Variants in PXMP4 observed in about 807,000 individuals in gnomAD.
PXMP4 encodes peroxisomal membrane protein 4.
A neutral mutation model predicts 21.6 loss-of-function variants in PXMP4; 16 were observed. The observed-to-expected ratio is 0.74, with a 90% CI of 0.50 to 1.13. PXMP4 has a LOEUF of 1.13. Ranked by LOEUF, PXMP4 falls within the 50% of genes most tolerant of loss-of-function variation. PXMP4 has a pLI of 0.00. For synonymous variants in PXMP4, 127 were observed against 123.8 expected (o/e 1.03, Z -0.17); for missense variants, 240 against 277.7 (o/e 0.86, Z 0.96).
At chr20:33,714,865 G>T in intron 1 of PXMP4, 129 bp from the exon 2 acceptor site, 1 of 880,492 alleles carries the variant, frequency 1.1e-6, no homozygotes, top group Non-Finnish European at 1.9e-6. Context: ...GGGAAATCAT[G>T]CTGGATGCAA....
In PXMP4 at chr20:33,710,737, A is replaced by G. The variant is rs781582757; in HGVS notation, c.193T>C (p.Trp65Arg). The G allele has an allele frequency of 5.6e-6, 9 of 1,609,234 alleles. No individual in the cohort carries two copies. Among genetic ancestry groups the G allele is most frequent in the Middle Eastern group, 1.7e-4 (1 of 5,934 alleles). The part of the protein sequence containing the change: ...FRNGSLQEKL[W>R]AILQATYIHS... ...ATATATGTGGCCTGCAGTATGGCCC[A>G]CAGCTTCTCCTGGAGGCTGCACAAA... is the stretch of plus-strand genomic sequence containing the variant. Residue 65 changes from tryptophan (W) to arginine (R), a missense_variant, in exon 3 of 4, where the codon TGG becomes CGG. Physicochemically the swap from Trp to Arg is moderately radical, Grantham distance 101. Coordinates refer to ENST00000409299, the MANE Select transcript of PXMP4 (RefSeq NM_007238.5).
At chr20:33,719,894 A>G (rs1291339499) in intron 1 of PXMP4, among the ~76,000 whole-genome samples, 1 of 152,214 alleles carries the variant, frequency 6.6e-6, no homozygotes, top group African/African-American at 2.4e-5. Flanking sequence ...GAAAATGTGC[A>G]GTGGGAGCCC....
intron 1 of PXMP4, among the ~76,000 whole-genome samples, chr20:33,719,748 C>T (rs1449573526): frequency 6.6e-6 from 1 of 152,204 alleles, no homozygotes; most frequent in Non-Finnish European, 1.5e-5. Flanking sequence ...TCCAGTTCCC[C>T]ATTGTGCAGA....
rs1325732178 is a variant in PXMP4 at position 33,703,346 on chromosome 20, AG to A, written c.*4359del. The A allele has an allele frequency of 1.3e-5, 2 of 152,228 alleles. No homozygotes were observed. Among genetic ancestry groups the A allele is most frequent in the Non-Finnish European group, 2.9e-5 (2 of 68,046 alleles). The allele number at this position is 152,228 out of a possible 1,614,324, so 9.4% of individuals were successfully genotyped here. ...CTTTAACCCTCCACACCACTCGATGAGGTGTGTGCTACGACAACGCCTACTT... is the reference window on the plus strand; with the variant it reads ...CTTTAACCCTCCACACCACTCGATGAGTGTGTGCTACGACAACGCCTACTT... On this transcript the variant is annotated 3_prime_UTR_variant, in exon 4 of 4. Transcript: ENST00000409299.
At chr20:33,718,249 G>A (rs6088284) in intron 1 of PXMP4, among the ~76,000 whole-genome samples, 1 of 152,072 alleles carries the variant, frequency 6.6e-6, no homozygotes, top group African/African-American at 2.4e-5. Flanking sequence ...GGTGGCTCAC[G>A]CCTGTAATCC....
intron 2 of PXMP4, among the ~76,000 whole-genome samples, chr20:33,712,541 C>T (rs2018339506): frequency 6.6e-6 from 1 of 152,148 alleles, no homozygotes; most frequent in Admixed American, 6.5e-5. Flanking sequence ...CCTCTTCCTC[C>T]TGGGTTTGAG....
intron 2 of PXMP4, among the ~76,000 whole-genome samples, chr20:33,711,018 G>A (rs1013390021): frequency 6.6e-6 from 1 of 152,122 alleles, no homozygotes; most frequent in African/African-American, 2.4e-5. Flanking sequence ...CCTAGCTATG[G>A]TCACCAACCG....
In PXMP4 at chr20:33,703,509, T is replaced by C. The variant is rs2018226196; in HGVS notation, c.*4197A>G. ...CATGCTATATTGCCTCTCAACCTGC[T>C]GTACAGAGGCCAGTTTTAGTTTGGG... On this transcript the variant is annotated 3_prime_UTR_variant, in exon 4 of 4. Transcript: ENST00000409299. 6.6e-6 allele frequency: 1 copy of C among 152,292 alleles called. No homozygotes were observed. The highest frequency in any genetic ancestry group is 2.1e-4 in the South Asian group (1 of 4,838). 9.4% of individuals were successfully genotyped at this position (152,292 alleles called of 1,614,324 possible).
At position 33,707,639 on chromosome 20, in the gene PXMP4, CAGTA is replaced by C; in HGVS notation, c.*63_*66del. 1 of 1,560,244 alleles carries C rather than the reference CAGTA, an allele frequency of 6.4e-7. No homozygotes were observed. The highest frequency in any genetic ancestry group is 8.7e-7 in the Non-Finnish European group (1 of 1,144,016). ...TCTGAGGCCTATGATCTTGAGAAGG[CAGTA>C]TCCTTTGGGAGGGTCTGCATGGGGC... On this transcript the variant is annotated 3_prime_UTR_variant, in exon 4 of 4. Transcript: ENST00000409299.
chr20:33,713,133 T>TA (rs887811895), intron 2 of PXMP4, among the ~76,000 whole-genome samples: 1 of 152,210 alleles, frequency 6.6e-6, no homozygotes, highest in African/African-American at 2.4e-5. Flanking sequence ...CTCAAAATCT[T>TA]ACAACAATTT....
At chr20:33,720,002 C>G in intron 1 of PXMP4, 93 bp downstream of exon 1, 1 of 1,226,416 alleles carries the variant, frequency 8.2e-7, no homozygotes, top group Non-Finnish European at 1.2e-6. Flanking sequence ...TGCTCCAGGG[C>G]AAACAGCACC....
Position 33,714,693 on chromosome 20 carries a change from A to C in PXMP4, c.157T>G (p.Phe53Val). Reference protein sequence around the residue: ...IRAPHALVMTFLFRNGSLQEK... With the variant: ...IRAPHALVMTVLFRNGSLQEK... ...GTGTACCTGCCATTCCGGAAGAGAA[A>C]GGTCATGACCAGCGCGTGAGGGGCC... The change falls in exon 2 of 4, where the codon TTT (phenylalanine) becomes GTT (valine). Residue 53 changes from phenylalanine (F) to valine (V), a missense_variant. Phe to Val is a conservative substitution (Grantham distance 50, BLOSUM62 -1). Transcript: ENST00000409299. 6.2e-7 allele frequency: 1 copy of C among 1,614,068 alleles called. No homozygotes were observed. The highest frequency in any genetic ancestry group is 1.3e-5 in the African/African-American group (1 of 75,026).
At position 33,707,826 on chromosome 20, in the gene PXMP4, A is replaced by G. The variant is rs142285216; in HGVS notation, c.519T>C (p.Tyr173=). ...GCGAGGGCTGCAGGGTGGATCGGTGATACTCAAAGAGCCACAGCACCAGCC... is the reference window on the plus strand; with the variant it reads ...GCGAGGGCTGCAGGGTGGATCGGTGGTACTCAAAGAGCCACAGCACCAGCC... ...VWGLVLWLFE[Y]HRSTLQPSLQ... The change falls in exon 4 of 4, where the codon TAT becomes TAC. Residue 173 remains tyrosine, a synonymous_variant. Coordinates refer to ENST00000409299, the MANE Select transcript of PXMP4 (RefSeq NM_007238.5). The G allele has an allele frequency of 2.9e-5, 47 of 1,614,026 alleles. No individual in the cohort carries two copies. Among genetic ancestry groups the G allele is most frequent in the Non-Finnish European group, 1.9e-5 (22 of 1,180,042 alleles).
chr20:33,715,947 C>T (rs916946475), intron 1 of PXMP4, among the ~76,000 whole-genome samples: 5 of 149,760 alleles, frequency 3.3e-5, no homozygotes, highest in East Asian at 2.0e-4. Flanking sequence ...TGGGTTCAAG[C>T]GATTCTCCTG....
At chr20:33,716,842 T>C in intron 1 of PXMP4, among the ~76,000 whole-genome samples, 1 of 152,216 alleles carries the variant, frequency 6.6e-6, no homozygotes, top group East Asian at 1.9e-4. Flanking sequence ...TAGGTAACAC[T>C]GTACCTATTC....
At chr20:33,719,522 G>T (rs1003823690) in intron 1 of PXMP4, among the ~76,000 whole-genome samples, 1 of 152,218 alleles carries the variant, frequency 6.6e-6, no homozygotes, top group Non-Finnish European at 1.5e-5. Flanking sequence ...GCACCAGCCA[G>T]GGCAATGACC....
Position 33,706,720 on chromosome 20 carries a change from G to C in PXMP4, c.*986C>G, listed in dbSNP as rs763403329. The C allele has an allele frequency of 6.6e-6, 1 of 152,068 alleles. No homozygotes were observed. The highest frequency in any genetic ancestry group is 2.1e-4 in the South Asian group (1 of 4,826). The allele number at this position is 152,068 out of a possible 1,614,324, so 9.4% of individuals were successfully genotyped here. A position where few individuals can be genotyped will look rare whatever the true frequency, so the allele number is the denominator to read the frequency against. The stretch of plus-strand genomic sequence containing the variant: ...CAAGTGTTCCATATCTGTGTTGCCC[G>C]TCACAGCAGCCACTAGCCACATGTG... On this transcript the variant is annotated 3_prime_UTR_variant, in exon 4 of 4. Coordinates refer to ENST00000409299, the MANE Select transcript of PXMP4 (RefSeq NM_007238.5).
At position 33,707,947 on chromosome 20, in the gene PXMP4, C is replaced by T. The variant is rs769292220; in HGVS notation, c.398G>A (p.Arg133His). The change falls in exon 4 of 4, where the codon CGC (arginine) becomes CAC (histidine). Residue 133 changes from arginine (R) to histidine (H), a missense_variant. Transcript: ENST00000409299. ...CAGGCGGCTCAGGGCAAACAGGACG[C>T]GTGACAACAGGTACATGTTGATCTG... ...NSQINMYLLS[R>H]VLFALSRLAV... The T allele has an allele frequency of 1.4e-5, 23 of 1,613,864 alleles. No individual in the cohort carries two copies. The South Asian group carries it at 2.2e-4, about 15-fold the overall frequency.
At chr20:33,716,221 C>T (rs1017835727) in intron 1 of PXMP4, among the ~76,000 whole-genome samples, 11 of 152,310 alleles carry the variant, frequency 7.2e-5, no homozygotes, top group African/African-American at 1.4e-4. Context: ...CTTTCCACTA[C>T]TCACAGAACA....
Sources: allele counts gnomAD v4.1 joint callset (sites outside exome capture counted in the v4.1 genomes callset), GRCh38; gene constraint gnomAD v4.1.1; transcripts MANE v1.5; gene names NCBI Gene and HGNC (gene_info 2026-07-23, HGNC 2026-07-21).